Variants in USP15 observed in about 807,000 individuals in gnomAD.
USP15 encodes ubiquitin specific peptidase 15.
In USP15, 18 loss-of-function variants were observed where a neutral mutation model predicts 127.1. The ratio of observed to expected loss-of-function variants is 0.14; its 90% CI spans 0.10 to 0.21. The LOEUF is 0.21. USP15 is among the 10% of genes least tolerant of loss of function. The pLI is 1.00. For synonymous variants in USP15, 364 were observed against 393.7 expected (o/e 0.92, Z 0.89); for missense variants, 805 against 1,159.9 (o/e 0.69, Z 4.44).
chr12:62,366,151 T>C (rs1592677143), intron 8 of USP15, among the ~76,000 whole-genome samples: 1 of 152,238 alleles, frequency 6.6e-6, no homozygotes, highest in Non-Finnish European at 1.5e-5. Context: ...AGCATGGCCA[T>C]TTTCACAGTA....
At chr12:62,308,340 G>T (rs1017422531) in intron 3 of USP15, among the ~76,000 whole-genome samples, 1 of 152,044 alleles carries the variant, frequency 6.6e-6, no homozygotes, top group Non-Finnish European at 1.5e-5. Context: ...CCCAGTGATT[G>T]TGACCTCTTA....
chr12:62,345,207 A>G lies in USP15; in HGVS notation c.684-4014A>G, dbSNP rs144281597. Among the ~76,000 whole-genome samples, 544 of 152,292 alleles carry G rather than the reference A, an allele frequency of 3.6e-3. 2 individuals carry two copies. Among genetic ancestry groups the G allele is most frequent in the African/African-American group, 0.012 (506 of 41,554 alleles). ...TTAGCAGCACCCAAGTCACATCCTG[A>G]ATGGTTTGCTGCTTAGATTTCTTCT... On this transcript the variant is annotated intron_variant, in intron 6 of 21. Transcript: ENST00000280377.
chr12:62,268,460 TTG>T (rs2063252729), intron 1 of USP15, among the ~76,000 whole-genome samples: 1 of 152,284 alleles, frequency 6.6e-6, no homozygotes, highest in Admixed American at 6.5e-5. Context: ...CTCTAGAATT[TTG>T]TGAGTCTTCT....
chr12:62,353,436 G>A (rs971248618), intron 7 of USP15, among the ~76,000 whole-genome samples: 3 of 151,934 alleles, frequency 2.0e-5, no homozygotes, highest in African/African-American at 7.2e-5. Flanking sequence ...TATACTTATG[G>A]AATGAGCATG....
intron 4 of USP15, among the ~76,000 whole-genome samples, chr12:62,320,800 A>G (rs1267239271): frequency 6.6e-6 from 1 of 152,136 alleles, no homozygotes; most frequent in African/African-American, 2.4e-5. Context: ...TCTAAAATCT[A>G]AAAGTATTCT....
chr12:62,296,184 C>G (rs74095733), intron 2 of USP15, among the ~76,000 whole-genome samples: 1,631 of 152,320 alleles, frequency 0.011, 24 homozygotes, highest in African/African-American at 0.038. Context: ...TAACTGAATT[C>G]TGCCAACAAC....
intron 3 of USP15, among the ~76,000 whole-genome samples, 155 bp from the exon 4 acceptor site, chr12:62,314,635 T>G (rs1282993718): frequency 6.6e-6 from 1 of 151,942 alleles, no homozygotes; most frequent in Non-Finnish European, 1.5e-5. Context: ...GTTTTAACTA[T>G]CCAATATCTT....
intron 6 of USP15, among the ~76,000 whole-genome samples, chr12:62,347,421 A>G (rs1042678925): frequency 1.3e-5 from 2 of 151,460 alleles, no homozygotes; most frequent in Admixed American, 6.6e-5. Context: ...GGATGAAGCA[A>G]TGGATCTTTA....
At chr12:62,373,295 G>A (rs1267524594) in intron 8 of USP15, among the ~76,000 whole-genome samples, 3 of 143,266 alleles carry the variant, frequency 2.1e-5, no homozygotes, top group Admixed American at 2.1e-4. Flanking sequence ...GTGTAGATGA[G>A]GGCAAAAAAG....
At chr12:62,323,669 T>G (rs1034531896) in intron 5 of USP15, among the ~76,000 whole-genome samples, 1 of 152,158 alleles carries the variant, frequency 6.6e-6, no homozygotes, top group African/African-American at 2.4e-5. Context: ...TCCTTGGTTT[T>G]CATCCATTAG....
Position 62,263,903 on chromosome 12 carries a change from A to G in USP15, c.89+3400A>G, listed in dbSNP as rs1363864361. ...GATGAGACAAAAAGATAATTTGCTT[A>G]AGGTACATATGAGTATTTTAGGAAC... On this transcript the variant is annotated intron_variant, in intron 1 of 21. Coordinates refer to ENST00000280377, the MANE Select transcript of USP15 (RefSeq NM_001252078.2). 2.0e-5 allele frequency among the ~76,000 whole-genome samples: 3 copies of G among 152,328 alleles called. No homozygotes were observed. In the East Asian group the frequency reaches 5.8e-4, roughly 29 times the overall value.
chr12:62,323,324 AT>A (rs979409056), intron 5 of USP15, among the ~76,000 whole-genome samples: 12 of 152,076 alleles, frequency 7.9e-5, no homozygotes, highest in African/African-American at 2.9e-4. Context: ...TAAATGGAAG[AT>A]TTTTTTGTTT....
rs1483705481 is a variant in USP15, at chr12:62,412,177, A to G, written c.*7802A>G. The G allele has an allele frequency of 6.6e-6, 1 of 152,228 alleles. No homozygotes were observed. The highest frequency in any genetic ancestry group is 1.5e-5 in the Non-Finnish European group (1 of 68,048). 9.4% of individuals were successfully genotyped at this position (152,228 alleles called of 1,614,324 possible). On this transcript the variant is annotated 3_prime_UTR_variant, in exon 22 of 22. Coordinates refer to ENST00000280377, the MANE Select transcript of USP15 (RefSeq NM_001252078.2). ...ATACTGTAGTCTATTAACTGCAATA[A>G]CATTGTGCCTAAAAAAGATGTACAT...
chr12:62,387,425 T>C (rs778148922), intron 11 of USP15, among the ~76,000 whole-genome samples: 1 of 152,058 alleles, frequency 6.6e-6, no homozygotes, highest in Non-Finnish European at 1.5e-5. Context: ...CATATAAAAT[T>C]GAGAAGAAGG....
intron 1 of USP15, among the ~76,000 whole-genome samples, chr12:62,260,809 C>A (rs955268656): frequency 6.6e-6 from 1 of 152,100 alleles, no homozygotes; most frequent in Non-Finnish European, 1.5e-5. Flanking sequence ...TCAGGCCTTC[C>A]CGAATGATAG....
chr12:62,273,157 G>T (rs909856633), intron 1 of USP15, among the ~76,000 whole-genome samples: 2 of 148,588 alleles, frequency 1.3e-5, no homozygotes, highest in Non-Finnish European at 2.9e-5. Flanking sequence ...GCCTTAGCAT[G>T]TCATCCTCAT....
At chr12:62,391,115 T>C (rs1318910636) in intron 15 of USP15, 42 bp from the exon 16 acceptor site, 6 of 1,552,064 alleles carry the variant, frequency 3.9e-6, no homozygotes, top group Non-Finnish European at 4.3e-6. Flanking sequence ...TTTAAAAATA[T>C]AGCATTGGGT....
rs79573430 is a variant in USP15 at position 62,308,334 on chromosome 12, G to A, written c.348+5414G>A. Among the ~76,000 whole-genome samples the A allele has an allele frequency of 6.8e-3, 1,032 of 152,186 alleles. 8 individuals carry two copies. Among genetic ancestry groups the A allele is most frequent in the African/African-American group, 0.023 (939 of 41,518 alleles). ...TAGCCAGCCTCAAAGATGCTCCCCA[G>A]TGATTGTGACCTCTTAGAATCCTTA... On this transcript the variant is annotated intron_variant, in intron 3 of 21. Transcript: ENST00000280377.
In USP15 at chr12:62,409,548, T is replaced by C. The variant is rs1293155874; in HGVS notation, c.*5173T>C. 1 of 152,174 alleles carries C rather than the reference T, an allele frequency of 6.6e-6. No homozygotes were observed. The highest frequency in any genetic ancestry group is 2.4e-5 in the African/African-American group (1 of 41,456). The allele number at this position is 152,174 out of a possible 1,614,324, so 9.4% of individuals were successfully genotyped here. On this transcript the variant is annotated 3_prime_UTR_variant, in exon 22 of 22. Transcript: ENST00000280377. ...TCCTGTAGAAAATCATAATTAAAGT[T>C]GGTGCTCGTGTTGCTAAAGTTTTTT...
Sources: allele counts gnomAD v4.1 joint callset (sites outside exome capture counted in the v4.1 genomes callset), GRCh38; gene constraint gnomAD v4.1.1; transcripts MANE v1.5; gene names NCBI Gene and HGNC (gene_info 2026-07-23, HGNC 2026-07-21).